The following CLVS1 variants were observed in gnomAD, a reference collection of about 807,000 sequenced individuals.
CLVS1 encodes the protein clavesin-1.
Under a neutral mutation model 33.1 loss-of-function variants are expected in CLVS1, and 10 were observed. That is an observed-to-expected ratio of 0.30 (90% CI 0.19 to 0.51). CLVS1 has a LOEUF of 0.51. CLVS1 is among the 20% of genes least tolerant of loss of function. The pLI is 0.97. For missense variants in CLVS1, 343 were observed against 433.4 expected, an observed-to-expected ratio of 0.79 and a Z score of 1.85; for synonymous variants, 163 against 166.1, an observed-to-expected ratio of 0.98 and a Z score of 0.14.
chr8:61,463,346 G>A (rs1327706916), intron 5 of CLVS1, among the ~76,000 whole-genome samples: 1 of 82,460 alleles, frequency 1.2e-5, no homozygotes, highest in East Asian at 4.7e-4. Flanking sequence ...GCATTTGTGT[G>A]TTCACTGAAG....
intron 2 of CLVS1, among the ~76,000 whole-genome samples, chr8:61,302,335 AC>A (rs1371841146): frequency 1.1e-4 from 17 of 152,328 alleles, no homozygotes; most frequent in Middle Eastern, 3.4e-3. Flanking sequence ...TGAGTCTCTC[AC>A]TACATTGCTT....
intron 2 of CLVS1, among the ~76,000 whole-genome samples, chr8:61,137,313 T>C (rs960154684): frequency 3.3e-5 from 5 of 152,182 alleles, no homozygotes; most frequent in Non-Finnish European, 7.3e-5. Flanking sequence ...TAAACATTCA[T>C]GGAGGGAGAA....
At chr8:61,424,155 G>T (rs1188128901) in intron 3 of CLVS1, among the ~76,000 whole-genome samples, 1 of 152,100 alleles carries the variant, frequency 6.6e-6, no homozygotes, top group Non-Finnish European at 1.5e-5. Context: ...TCCCAAAGTT[G>T]TCCACTATAA....
At chr8:61,112,173 C>A (rs561884805) in intron 1 of CLVS1, among the ~76,000 whole-genome samples, 2 of 146,964 alleles carry the variant, frequency 1.4e-5, no homozygotes, top group South Asian at 4.4e-4. Flanking sequence ...TTAAAGTTCT[C>A]CGTGCTACAC....
intron 1 of CLVS1, among the ~76,000 whole-genome samples, chr8:61,069,040 C>T (rs1189670195): frequency 6.6e-6 from 1 of 152,124 alleles, no homozygotes; most frequent in African/African-American, 2.4e-5. Context: ...GATCTCGGCT[C>T]ACTGCAACTT....
chr8:61,218,385 T>G (rs1808136667), intron 2 of CLVS1, among the ~76,000 whole-genome samples: 1 of 151,942 alleles, frequency 6.6e-6, no homozygotes, highest in Admixed American at 6.6e-5. Flanking sequence ...TTATGTTAAG[T>G]GAAATAAGCC....
chr8:61,079,068 C>T (rs897647936), intron 1 of CLVS1, among the ~76,000 whole-genome samples: 9 of 151,914 alleles, frequency 5.9e-5, no homozygotes, highest in East Asian at 1.9e-4. Flanking sequence ...CTCTGAAAGA[C>T]GTTATTGGGG....
intron 2 of CLVS1, among the ~76,000 whole-genome samples, chr8:61,133,585 C>T (rs114245747): frequency 2.7e-3 from 405 of 152,248 alleles, no homozygotes; most frequent in African/African-American, 9.2e-3. Flanking sequence ...GTGAATGAAA[C>T]GGCACCTTGA....
upstream of CLVS1, among the ~76,000 whole-genome samples, chr8:61,287,506 C>T (rs1387551871): frequency 6.6e-6 from 1 of 151,862 alleles, no homozygotes; most frequent in Admixed American, 6.6e-5. Flanking sequence ...GTCTTCTATT[C>T]CTCTTGTGCT....
Position 61,299,765 on chromosome 8 carries a change from C to A in CLVS1, c.-63C>A, listed in dbSNP as rs1197844951. ...AAAGAAGACCCTCTATTTGTCTGTT[C>A]CGGGGCAGCCTGGTAGTAAAACACT... On this transcript the variant is annotated 5_prime_UTR_variant, in exon 2 of 6. Coordinates refer to ENST00000325897, the MANE Select transcript of CLVS1 (RefSeq NM_173519.3). 7.9e-7 allele frequency: 1 copy of A among 1,260,872 alleles called. No individual in the cohort carries two copies. Among genetic ancestry groups the A allele is most frequent in the Non-Finnish European group, 1.1e-6 (1 of 892,164 alleles). The allele number at this position is 1,260,872 out of a possible 1,614,324, so 78.1% of individuals were successfully genotyped here. A position where few individuals can be genotyped will look rare whatever the true frequency, so the allele number is the denominator to read the frequency against.
intron 3 of CLVS1, among the ~76,000 whole-genome samples, chr8:61,406,627 G>A (rs912198047): frequency 4.6e-5 from 7 of 151,664 alleles, no homozygotes; most frequent in Non-Finnish European, 7.4e-5. Context: ...GTGGGGGGGG[G>A]GATGGAGTCT....
intron 2 of CLVS1, among the ~76,000 whole-genome samples, chr8:61,159,651 C>T (rs1370924902): frequency 1.3e-5 from 2 of 152,142 alleles, no homozygotes; most frequent in East Asian, 1.9e-4. Context: ...TTATCATGAA[C>T]GAAATAACTC....
At chr8:61,401,788 C>T (rs545347189) in intron 3 of CLVS1, among the ~76,000 whole-genome samples, 6 of 152,302 alleles carry the variant, frequency 3.9e-5, no homozygotes, top group Non-Finnish European at 7.4e-5. Context: ...AAGCTGGAAG[C>T]TCCTTCTGTT....
upstream of CLVS1, among the ~76,000 whole-genome samples, chr8:61,287,400 A>G (rs574650363): frequency 3.9e-5 from 6 of 152,102 alleles, no homozygotes; most frequent in African/African-American, 1.2e-4. Context: ...ACTTGCTGCA[A>G]TTTTTTAAAG....
chr8:61,270,346 G>T (rs550480037), intron 2 of CLVS1, among the ~76,000 whole-genome samples: 1 of 152,210 alleles, frequency 6.6e-6, no homozygotes, highest in East Asian at 1.9e-4. Flanking sequence ...AACCAGCCTT[G>T]CATCCAAGGG....
At chr8:61,199,185 A>G (rs1292875437) in intron 2 of CLVS1, among the ~76,000 whole-genome samples, 2 of 152,212 alleles carry the variant, frequency 1.3e-5, no homozygotes, top group Non-Finnish European at 2.9e-5. Context: ...ACTCTTCCAG[A>G]CATTGGCCTG....
chr8:61,288,264 T>G, intron 1 of CLVS1, 126 bp downstream of exon 1: 1 of 456,526 alleles, frequency 2.2e-6, no homozygotes, highest in Non-Finnish European at 4.4e-6. Context: ...CTGCAATCCC[T>G]CTGCACTCCA....
chr8:61,366,903 A>G (rs922958827), intron 2 of CLVS1, among the ~76,000 whole-genome samples: 1 of 152,168 alleles, frequency 6.6e-6, no homozygotes, highest in African/African-American at 2.4e-5. Flanking sequence ...ATATCAAGTA[A>G]TGTTAATATT....
At chr8:61,230,245 C>T (rs1402960274) in intron 2 of CLVS1, among the ~76,000 whole-genome samples, 1 of 152,086 alleles carries the variant, frequency 6.6e-6, no homozygotes, top group East Asian at 1.9e-4. Flanking sequence ...TTTGTGAGGG[C>T]CAATAAGTTA....
Sources: allele counts gnomAD v4.1 joint callset (sites outside exome capture counted in the v4.1 genomes callset), GRCh38; gene constraint gnomAD v4.1.1; transcripts MANE v1.5; gene names NCBI Gene and HGNC (gene_info 2026-07-23, HGNC 2026-07-21).